The following LRRC69 variants were observed in gnomAD, a reference collection of about 807,000 sequenced individuals.
The protein encoded by LRRC69 is leucine-rich repeat-containing protein 69.
Under a neutral mutation model 37.8 loss-of-function variants are expected in LRRC69, and 42 were observed. The observed-to-expected ratio is 1.11, with a 90% confidence interval of 0.87 to 1.44. The LOEUF is 1.44. Ranked by LOEUF, LRRC69 falls within the 40% of genes most tolerant of loss-of-function variation. The probability of loss-of-function intolerance (pLI) is 0.00; values close to 1 mark genes in which losing one functional copy is unlikely to be tolerated. For synonymous variants in LRRC69, 141 were observed against 143.1 expected, an observed-to-expected ratio of 0.99 and a Z score of 0.11; for missense variants, 357 against 401.9, an observed-to-expected ratio of 0.89 and a Z score of 0.96.
intron 6 of LRRC69, among the ~76,000 whole-genome samples, chr8:91,195,198 G>C (rs1809574556): frequency 1.3e-5 from 2 of 151,836 alleles, no homozygotes; most frequent in Admixed American, 1.3e-4. Context: ...ATTGCACTGT[G>C]GTCTGAGAGA....
chr8:91,116,539 C>CATAT lies in LRRC69; in HGVS notation c.184-7943_184-7940dup, dbSNP rs66744420. Reference sequence around the variant, plus strand: ...GTGTGTGAGCATATGTGTCTGTATACATATATATATATATTTGTATCATGT... The same window carrying CATAT: ...GTGTGTGAGCATATGTGTCTGTATACATATATATATATATATATTTGTATCATGT... On this transcript the variant is annotated intron_variant, in intron 1 of 7. Coordinates refer to ENST00000448384, the Ensembl canonical transcript of LRRC69. Among the ~76,000 whole-genome samples, 450 of 150,590 alleles carry CATAT rather than the reference C, an allele frequency of 3.0e-3. 4 individuals carry two copies. The highest frequency in any genetic ancestry group is 8.3e-3 in the African/African-American group (344 of 41,248).
chr8:91,170,371 ATGCCT>A (rs1423696408), intron 5 of LRRC69, among the ~76,000 whole-genome samples: 20 of 150,746 alleles, frequency 1.3e-4, no homozygotes, highest in African/African-American at 4.9e-4. Flanking sequence ...CAAGCTACCA[ATGCCT>A]TTCTTCACAG....
At chr8:91,105,474 A>G (rs1365194957) in intron 1 of LRRC69, among the ~76,000 whole-genome samples, 2 of 151,826 alleles carry the variant, frequency 1.3e-5, no homozygotes, top group African/African-American at 2.4e-5. Flanking sequence ...GATTGGGCTC[A>G]GTAGTTTGAA....
At chr8:91,199,268 G>A (rs1262985869) in intron 6 of LRRC69, among the ~76,000 whole-genome samples, 1 of 152,162 alleles carries the variant, frequency 6.6e-6, no homozygotes, top group East Asian at 1.9e-4. Flanking sequence ...TCTGATTTAG[G>A]CACCCTTGTA....
At chr8:91,128,808 T>C (rs1342293700) in intron 3 of LRRC69, among the ~76,000 whole-genome samples, 1 of 151,982 alleles carries the variant, frequency 6.6e-6, no homozygotes, top group Non-Finnish European at 1.5e-5. Context: ...GACAAAGGAA[T>C]GACTTCTCAG....
chr8:91,178,833 C>A (rs1417104459), intron 5 of LRRC69, among the ~76,000 whole-genome samples: 1 of 152,182 alleles, frequency 6.6e-6, no homozygotes, highest in East Asian at 1.9e-4. Flanking sequence ...TGAGAGGTGA[C>A]CCTGGGACAA....
chr8:91,204,070 C>T (rs1393500785), intron 7 of LRRC69, among the ~76,000 whole-genome samples: 4 of 147,796 alleles, frequency 2.7e-5, no homozygotes, highest in East Asian at 2.0e-4. Context: ...TGCAGTGAGC[C>T]GAGATCGTGC....
chr8:91,141,693 T>C (rs1212201798), intron 5 of LRRC69, among the ~76,000 whole-genome samples: 2 of 152,048 alleles, frequency 1.3e-5, no homozygotes, highest in African/African-American at 2.4e-5. Context: ...CCTGGAGATA[T>C]CATAAGAACA....
intron 7 of LRRC69, 65 bp downstream of exon 7, chr8:91,200,857 A>G (rs1809701300): frequency 7.3e-7 from 1 of 1,371,288 alleles, no homozygotes; most frequent in Non-Finnish European, 9.7e-7. Context: ...TCTTATCTAA[A>G]TCAGTTAATA....
chr8:91,200,807 T>C lies in LRRC69; in HGVS notation c.933+15T>C. 1.3e-6 allele frequency: 2 copies of C among 1,525,932 alleles called. No individual in the cohort carries two copies. The highest frequency in any genetic ancestry group is 1.8e-6 in the Non-Finnish European group (2 of 1,138,348). The allele number at this position is 1,525,932 out of a possible 1,614,324, so 94.5% of individuals were successfully genotyped here. On this transcript the variant is annotated intron_variant, in intron 7 of 7. Coordinates refer to ENST00000448384, the Ensembl canonical transcript of LRRC69. ...CTCCACCAAAGGTAAATGATGCTTT[T>C]TATGCGAATATGAGCATAATACTGA... is the stretch of plus-strand genomic sequence containing the variant.
intron 5 of LRRC69, among the ~76,000 whole-genome samples, chr8:91,188,280 A>G (rs2130608211): frequency 6.6e-6 from 1 of 152,338 alleles, no homozygotes; most frequent in South Asian, 2.1e-4. Context: ...CAGATGTTTA[A>G]AATCAATTAT....
intron 3 of LRRC69, chr8:91,130,324 G>C (rs1366885799): frequency 6.6e-6 from 1 of 152,088 alleles, no homozygotes; most frequent in Non-Finnish European, 1.5e-5. Flanking sequence ...ACCCAGGCTG[G>C]AGTGCAATGG....
chr8:91,178,102 C>G (rs1809266398), intron 5 of LRRC69, among the ~76,000 whole-genome samples: 1 of 152,160 alleles, frequency 6.6e-6, no homozygotes, highest in African/African-American at 2.4e-5. Flanking sequence ...CCTGCCTTGG[C>G]CTCCCAAAGT....
At chr8:91,175,276 C>T (rs4133057) in intron 5 of LRRC69, among the ~76,000 whole-genome samples, 4,956 of 151,254 alleles carry the variant, frequency 0.033, 259 homozygotes, top group African/African-American at 0.12. Flanking sequence ...AGCTGGAATC[C>T]TCAGCTGCAT....
intron 5 of LRRC69, among the ~76,000 whole-genome samples, chr8:91,172,776 G>A (rs1809155801): frequency 6.6e-6 from 1 of 151,996 alleles, no homozygotes; most frequent in Admixed American, 6.6e-5. Flanking sequence ...GCCTCCCAAA[G>A]TGCTGGAATT....
chr8:91,184,528 ATTC>A (rs1408836342), intron 5 of LRRC69, among the ~76,000 whole-genome samples: 1 of 152,084 alleles, frequency 6.6e-6, no homozygotes, highest in African/African-American at 2.4e-5. Context: ...TATCCTTCAA[ATTC>A]TTCTTTCTTA....
intron 1 of LRRC69, among the ~76,000 whole-genome samples, chr8:91,112,622 C>G (rs1026633639): frequency 1.3e-5 from 2 of 152,032 alleles, no homozygotes; most frequent in Non-Finnish European, 2.9e-5. Context: ...ACTCCCACAA[C>G]TAACATCATC....
intron 3 of LRRC69, among the ~76,000 whole-genome samples, chr8:91,132,762 A>G (rs1457616878): frequency 1.3e-5 from 2 of 152,076 alleles, no homozygotes; most frequent in East Asian, 3.9e-4. Context: ...ATTGATCTAT[A>G]TACATAGGTA....
At position 91,133,234 on chromosome 8, in the gene LRRC69, G is replaced by T; in HGVS notation, c.508G>T (p.Glu170Ter). Residue 170 changes from glutamate to a stop codon, truncating the protein, a stop_gained, in exon 4 of 8, where the codon GAA becomes TAA. Transcript: ENST00000448384. LOFTEE classifies it high-confidence loss of function. ...CTACAATCAGCTGATATGCATACCT[G>T]AAGAGATTAAATTCTTGAAGAAGCT... The T allele has an allele frequency of 1.3e-6, 2 of 1,529,622 alleles. No individual in the cohort carries two copies. The highest frequency in any genetic ancestry group is 2.5e-5 in the South Asian group (2 of 79,212). 94.8% of individuals were successfully genotyped at this position (1,529,622 alleles called of 1,614,324 possible). A position where few individuals can be genotyped will look rare whatever the true frequency, so the allele number is the denominator to read the frequency against.
Sources: allele counts gnomAD v4.1 joint callset (sites outside exome capture counted in the v4.1 genomes callset), GRCh38; gene constraint gnomAD v4.1.1; transcripts MANE v1.5; gene names NCBI Gene and HGNC (gene_info 2026-07-23, HGNC 2026-07-21).